The following CAMTA1 variants were observed in gnomAD, a reference collection of about 807,000 sequenced individuals.
The protein encoded by CAMTA1 is calmodulin-binding transcription activator 1.
Under a neutral mutation model 170.9 loss-of-function variants are expected in CAMTA1, and 27 were observed. The ratio of observed to expected loss-of-function variants is 0.16; its 90% CI spans 0.12 to 0.22. CAMTA1 has a LOEUF of 0.22. Among genes scored for constraint, CAMTA1 ranks in the 10% least tolerant of loss-of-function variants. The pLI, the probability that CAMTA1 is intolerant of heterozygous loss-of-function variation, is 1.00. For synonymous variants in CAMTA1, 833 were observed against 891.5 expected (o/e 0.93, Z 1.17); for missense variants, 1,619 against 2,217.2 (o/e 0.73, Z 5.42).
At chr1:6,906,392 C>T (rs1387555876) in intron 3 of CAMTA1, among the ~76,000 whole-genome samples, 2 of 152,156 alleles carry the variant, frequency 1.3e-5, no homozygotes, top group Non-Finnish European at 2.9e-5. Flanking sequence ...CTTTTCCTTC[C>T]TCACTGTGGC....
In CAMTA1 at chr1:7,769,350, T is replaced by C. The variant is rs531304040; in HGVS notation, c.*2859T>C. On this transcript the variant is annotated 3_prime_UTR_variant, in exon 23 of 23. Transcript: ENST00000303635. ...TAATCTTATTCTATCTCCTGAAGATTTAATTGCTATTGTTACCCATTCGAA... is the reference window on the plus strand; with the variant it reads ...TAATCTTATTCTATCTCCTGAAGATCTAATTGCTATTGTTACCCATTCGAA... The C allele has an allele frequency of 6.5e-6, 1 of 152,934 alleles. No homozygotes were observed. The highest frequency in any genetic ancestry group is 1.9e-4 in the East Asian group (1 of 5,330). 9.5% of individuals were successfully genotyped at this position (152,934 alleles called of 1,614,324 possible).
chr1:7,389,555 C>T (rs528564082), intron 5 of CAMTA1: 1 of 152,484 alleles, frequency 6.6e-6, no homozygotes, highest in African/African-American at 2.4e-5. Context: ...ACTGATTTGC[C>T]CTTGACTGTT....
At chr1:7,312,916 G>C (rs1676951635) in intron 5 of CAMTA1, among the ~76,000 whole-genome samples, 1 of 151,930 alleles carries the variant, frequency 6.6e-6, no homozygotes, top group African/African-American at 2.4e-5. Context: ...GTAGTGTTTG[G>C]TCAACTATTT....
chr1:6,986,341 CCTGCGAGGCAGGG>C (rs1275650349), intron 3 of CAMTA1, among the ~76,000 whole-genome samples: 2 of 152,138 alleles, frequency 1.3e-5, no homozygotes, highest in Admixed American at 6.5e-5. Context: ...TCTTCTGTCC[CCTGCGAGGCAGGG>C]GATACCACCC....
At chr1:7,341,203 G>A (rs986540574) in intron 5 of CAMTA1, among the ~76,000 whole-genome samples, 1 of 152,250 alleles carries the variant, frequency 6.6e-6, no homozygotes, top group Non-Finnish European at 1.5e-5. Flanking sequence ...TTTCAGCTGT[G>A]CAAGGCCTCC....
intron 3 of CAMTA1, among the ~76,000 whole-genome samples, chr1:6,885,993 G>A (rs959199298): frequency 4.6e-5 from 7 of 152,086 alleles, no homozygotes; most frequent in Admixed American, 2.6e-4. Context: ...TGTCCTGTGC[G>A]GGCCCTTGCC....
chr1:7,335,141 G>GTGTGCGTGTGTGTGTGTGTGTGTGTGT (rs770168823), intron 5 of CAMTA1, among the ~76,000 whole-genome samples: 19 of 54,436 alleles, frequency 3.5e-4, no homozygotes, highest in African/African-American at 9.9e-4. Context: ...TGTGTGTGTG[G>GTGTGCGTGTGTGTGTGTGTGTGTGTGT]GGGGGGGGGG....
chr1:6,913,950 A>AC (rs1680231456), intron 3 of CAMTA1, among the ~76,000 whole-genome samples: 2 of 152,054 alleles, frequency 1.3e-5, no homozygotes, highest in South Asian at 4.1e-4. Flanking sequence ...AGAAAGGAGT[A>AC]AAGAGGCTAC....
chr1:7,644,782 C>T (rs752973019), intron 7 of CAMTA1, among the ~76,000 whole-genome samples: 17 of 152,140 alleles, frequency 1.1e-4, no homozygotes, highest in African/African-American at 3.9e-4. Context: ...TGGGAAGTGT[C>T]GTTTTTTGCT....
intron 3 of CAMTA1, among the ~76,000 whole-genome samples, chr1:7,003,180 A>G (rs1426448434): frequency 3.3e-5 from 5 of 152,224 alleles, no homozygotes; most frequent in Admixed American, 2.0e-4. Flanking sequence ...GGCATTGCCA[A>G]TCTGGGGGCA....
Position 7,689,300 on chromosome 1 carries a change from G to A in CAMTA1, c.2914+11567G>A, listed in dbSNP as rs12095037. On this transcript the variant is annotated intron_variant, in intron 11 of 22. Coordinates refer to ENST00000303635, the MANE Select transcript of CAMTA1 (RefSeq NM_015215.4). ...AAAAAAAATCAGTGGCAAGCCAGGC[G>A]CGGTGGCTCACACCTGTAATCCCAG... 8.5e-3 allele frequency among the ~76,000 whole-genome samples: 1,284 copies of A among 150,266 alleles called. 19 individuals are homozygous for A. The highest frequency in any genetic ancestry group is 0.03 in the African/African-American group (1,241 of 40,812).
At chr1:6,873,219 G>A (rs1174372430) in intron 3 of CAMTA1, among the ~76,000 whole-genome samples, 2 of 151,242 alleles carry the variant, frequency 1.3e-5, no homozygotes, top group Non-Finnish European at 2.9e-5. Flanking sequence ...GTAGTCAGGA[G>A]CAACTTTTTT....
intron 6 of CAMTA1, among the ~76,000 whole-genome samples, chr1:7,559,507 G>A (rs894477450): frequency 2.0e-5 from 3 of 152,244 alleles, no homozygotes; most frequent in East Asian, 1.9e-4. Flanking sequence ...GGATCAGAGA[G>A]CAGAGGGAAG....
chr1:7,320,883 C>T (rs1484069329), intron 5 of CAMTA1, among the ~76,000 whole-genome samples: 1 of 152,078 alleles, frequency 6.6e-6, no homozygotes, highest in African/African-American at 2.4e-5. Flanking sequence ...GGGCAGGACT[C>T]CATTTATGAT....
chr1:6,897,581 AC>A (rs1219441899), intron 3 of CAMTA1, among the ~76,000 whole-genome samples: 1 of 152,134 alleles, frequency 6.6e-6, no homozygotes, highest in Non-Finnish European at 1.5e-5. Context: ...ATCTCCCTTT[AC>A]CTACCTGGTC....
At chr1:6,823,845 G>A (rs1370202752) in intron 2 of CAMTA1, among the ~76,000 whole-genome samples, 1 of 152,120 alleles carries the variant, frequency 6.6e-6, no homozygotes, top group Non-Finnish European at 1.5e-5. Context: ...ACCAATGCCT[G>A]TATACTTATG....
chr1:7,077,352 C>T (rs1341007297), intron 3 of CAMTA1, among the ~76,000 whole-genome samples: 2 of 147,934 alleles, frequency 1.4e-5, no homozygotes, highest in Admixed American at 1.4e-4. Flanking sequence ...GCCTTGATTT[C>T]ATTCTCAGTT....
chr1:7,215,655 A>G (rs983339449), intron 4 of CAMTA1, among the ~76,000 whole-genome samples: 1 of 152,212 alleles, frequency 6.6e-6, no homozygotes, highest in Non-Finnish European at 1.5e-5. Flanking sequence ...TGGCCCCCCA[A>G]AGTGCTGGGA....
chr1:7,488,446 GACA>G (rs536465784), intron 6 of CAMTA1, among the ~76,000 whole-genome samples: 83 of 152,132 alleles, frequency 5.5e-4, no homozygotes, highest in African/African-American at 1.9e-3. Context: ...TGGGATCAGG[GACA>G]ACAACTCAGC....
Sources: gnomAD v4.1 joint callset for allele counts (sites outside exome capture counted in the v4.1 genomes callset) on GRCh38, gnomAD v4.1.1 for gene constraint, MANE v1.5 for transcripts, NCBI Gene and HGNC (gene_info 2026-07-23, HGNC 2026-07-21) for gene names.